The following SULF2 variants were observed in gnomAD, a reference collection of about 807,000 sequenced individuals.
SULF2 encodes the protein extracellular sulfatase Sulf-2.
A neutral mutation model predicts 107.7 loss-of-function variants in SULF2; 52 were observed. That is an observed-to-expected ratio of 0.48 (90% CI 0.39 to 0.61). SULF2 has a LOEUF of 0.61. Among genes scored for constraint, SULF2 ranks in the 20% least tolerant of loss-of-function variants. SULF2 has a pLI of 0.00. For missense variants in SULF2, 993 were observed against 1,177.3 expected, an observed-to-expected ratio of 0.84 and a Z score of 2.29; for synonymous variants, 460 against 464.3, an observed-to-expected ratio of 0.99 and a Z score of 0.12.
At chr20:47,702,091 T>C (rs868557217) in intron 4 of SULF2, among the ~76,000 whole-genome samples, 17 of 152,316 alleles carry the variant, frequency 1.1e-4, no homozygotes, top group Middle Eastern at 6.8e-3. Flanking sequence ...AGAGTCTTGC[T>C]CCGTCACCTA....
At chr20:47,705,784 G>A (rs1222660779) in intron 3 of SULF2, among the ~76,000 whole-genome samples, 2 of 146,548 alleles carry the variant, frequency 1.4e-5, no homozygotes, top group Non-Finnish European at 3.0e-5. Flanking sequence ...CCTAATCCAA[G>A]AAACCTTTTC....
chr20:47,742,896 G>A, intron 2 of SULF2, among the ~76,000 whole-genome samples: 1 of 148,812 alleles, frequency 6.7e-6, no homozygotes, highest in African/African-American at 2.5e-5. Context: ...GACTTAGCAA[G>A]GTGCCAGGGA....
At chr20:47,730,442 G>A (rs2089564981) in intron 3 of SULF2, among the ~76,000 whole-genome samples, 1 of 152,148 alleles carries the variant, frequency 6.6e-6, no homozygotes, top group South Asian at 2.1e-4. Context: ...GGAAAAGGTT[G>A]CCTTTTTGTT....
chr20:47,676,771 A>T, intron 9 of SULF2, 148 bp from the exon 10 acceptor site: 1 of 921,612 alleles, frequency 1.1e-6, no homozygotes, highest in Non-Finnish European at 1.6e-6. Flanking sequence ...GGGTCTTCTG[A>T]TGTTTAGGAA....
intron 1 of SULF2, among the ~76,000 whole-genome samples, chr20:47,759,197 C>T (rs553349902): frequency 6.6e-6 from 1 of 152,324 alleles, no homozygotes; most frequent in South Asian, 2.1e-4. Context: ...CAGTCCTGTG[C>T]TCACCTGCCG....
chr20:47,721,350 T>C (rs548821225), intron 3 of SULF2, among the ~76,000 whole-genome samples: 26 of 147,434 alleles, frequency 1.8e-4, no homozygotes, highest in African/African-American at 6.5e-4. Context: ...CTCCTCCCAC[T>C]TGCCCTTTAA....
intron 2 of SULF2, among the ~76,000 whole-genome samples, chr20:47,742,059 A>C (rs2089896321): frequency 1.3e-5 from 2 of 152,208 alleles, no homozygotes; most frequent in Admixed American, 1.3e-4. Flanking sequence ...TCCACGAGTA[A>C]AGGACAACAG....
At chr20:47,707,691 A>C (rs4810662) in intron 3 of SULF2, among the ~76,000 whole-genome samples, 141,645 of 152,210 alleles carry the variant, frequency 0.93, 66,007 homozygotes, top group African/African-American at 0.98. Flanking sequence ...TTAAAAAGCA[A>C]CTCCTTTCTG....
intron 1 of SULF2, among the ~76,000 whole-genome samples, chr20:47,759,503 T>C (rs2090370380): frequency 6.6e-6 from 1 of 152,126 alleles, no homozygotes; most frequent in Admixed American, 6.6e-5. Context: ...ACCAGCCTGA[T>C]CAACATGGTG....
At position 47,742,927 on chromosome 20, in the gene SULF2, A is replaced by ATT. The variant is rs397837137; in HGVS notation, c.176-5987_176-5986dup. Among the ~76,000 whole-genome samples the ATT allele has an allele frequency of 9.6e-3, 958 of 99,394 alleles. 72 individuals carry two copies. The highest frequency in any genetic ancestry group is 0.016 in the Non-Finnish European group (815 of 50,738). 65.2% of individuals were successfully genotyped at this position (99,394 alleles called of 152,430 possible). A position where few individuals can be genotyped will look rare whatever the true frequency, so the allele number is the denominator to read the frequency against. On this transcript the variant is annotated intron_variant, in intron 2 of 20. Coordinates refer to ENST00000688720, the MANE Select transcript of SULF2 (RefSeq NM_001387048.1). Reference sequence around the variant, plus strand: ...AGGGAGTTTCAGGATTCAAAACATGATTTTTTTTTTTTTTTTTTTTTTTTT... The same window carrying ATT: ...AGGGAGTTTCAGGATTCAAAACATGATTTTTTTTTTTTTTTTTTTTTTTTTTT...
At chr20:47,718,107 T>C (rs1444266657) in intron 3 of SULF2, among the ~76,000 whole-genome samples, 1 of 152,134 alleles carries the variant, frequency 6.6e-6, no homozygotes, top group Non-Finnish European at 1.5e-5. Context: ...GTGAGCCACC[T>C]GGCCTGGCCT....
intron 14 of SULF2, 31 bp from the exon 15 acceptor site, chr20:47,664,220 A>G (rs1270888360): frequency 6.2e-7 from 1 of 1,603,414 alleles, no homozygotes; most frequent in Admixed American, 1.7e-5. Flanking sequence ...CCCAGGCTTC[A>G]GGAGTGGCTC....
At chr20:47,752,234 A>G (rs2090172726) in intron 2 of SULF2, among the ~76,000 whole-genome samples, 1 of 152,236 alleles carries the variant, frequency 6.6e-6, no homozygotes, top group Admixed American at 6.5e-5. Flanking sequence ...ACTGTCACAC[A>G]TATGACAGGT....
At chr20:47,782,774 A>T (rs1331233364) in intron 1 of SULF2, among the ~76,000 whole-genome samples, 1 of 152,022 alleles carries the variant, frequency 6.6e-6, no homozygotes, top group Non-Finnish European at 1.5e-5. Flanking sequence ...CCAGGCAGAC[A>T]CATGTTTTCC....
intron 1 of SULF2, among the ~76,000 whole-genome samples, chr20:47,769,543 A>C (rs1600684140): frequency 6.6e-6 from 1 of 152,016 alleles, no homozygotes; most frequent in East Asian, 1.9e-4. Context: ...AGAAGCTCGC[A>C]TGGGCAGGGG....
intron 2 of SULF2, among the ~76,000 whole-genome samples, chr20:47,742,064 C>A (rs2089896458): frequency 6.6e-6 from 1 of 152,236 alleles, no homozygotes; most frequent in Non-Finnish European, 1.5e-5. Flanking sequence ...GAGTAAAGGA[C>A]AACAGTGCCC....
At chr20:47,735,992 G>A (rs1568877913) in intron 3 of SULF2, among the ~76,000 whole-genome samples, 1 of 152,180 alleles carries the variant, frequency 6.6e-6, no homozygotes, top group Non-Finnish European at 1.5e-5. Flanking sequence ...ACCCAAGGCG[G>A]GGAGTATTTA....
At chr20:47,672,481 A>C in intron 10 of SULF2, 88 bp from the exon 11 acceptor site, 1 of 1,453,454 alleles carries the variant, frequency 6.9e-7, no homozygotes, top group Non-Finnish European at 9.1e-7. Context: ...CCCTGGAGAC[A>C]TCCCTCTCCC....
At chr20:47,769,921 G>A (rs915379050) in intron 1 of SULF2, among the ~76,000 whole-genome samples, 2 of 152,140 alleles carry the variant, frequency 1.3e-5, no homozygotes, top group African/African-American at 4.8e-5. Flanking sequence ...TAGGCACAGG[G>A]AACAGAAAGC....
Sources: gnomAD v4.1 joint callset for allele counts (sites outside exome capture counted in the v4.1 genomes callset) on GRCh38, gnomAD v4.1.1 for gene constraint, MANE v1.5 for transcripts, NCBI Gene and HGNC (gene_info 2026-07-23, HGNC 2026-07-21) for gene names.